Variants in LIX1 observed in about 807,000 individuals in gnomAD.
The protein encoded by LIX1 is limb and CNS expressed 1.
Under a neutral mutation model 33.4 loss-of-function variants are expected in LIX1, and 24 were observed. That is an observed-to-expected ratio of 0.72 (90% CI 0.52 to 1.01). The LOEUF (loss-of-function observed/expected upper bound fraction) is 1.01, where lower values mean the gene tolerates loss of function less well. Ranked by LOEUF, LIX1 falls within the 50% of genes least tolerant of loss-of-function variation. The pLI is 0.00. For missense variants in LIX1, 311 were observed against 339.2 expected, an observed-to-expected ratio of 0.92 and a Z score of 0.65; for synonymous variants, 124 against 124.0, an observed-to-expected ratio of 1.00 and a Z score of 0.00.
intron 5 of LIX1, among the ~76,000 whole-genome samples, chr5:97,095,748 T>C (rs1354794510): frequency 6.6e-6 from 1 of 152,236 alleles, no homozygotes; most frequent in Non-Finnish European, 1.5e-5. Flanking sequence ...CATAATAACA[T>C]CATATGTAGA....
At chr5:97,122,757 G>A (rs1747815552) in intron 2 of LIX1, among the ~76,000 whole-genome samples, 2 of 152,134 alleles carry the variant, frequency 1.3e-5, no homozygotes, top group South Asian at 4.1e-4. Flanking sequence ...CTGGACAATA[G>A]GCAATGTGGT....
chr5:97,093,300 G>A lies in LIX1; in HGVS notation c.*1448C>T, dbSNP rs943077500. 1 of 152,160 alleles carries A rather than the reference G, an allele frequency of 6.6e-6. No individual in the cohort carries two copies. Among genetic ancestry groups the A allele is most frequent in the African/African-American group, 2.4e-5 (1 of 41,414 alleles). 9.4% of individuals were successfully genotyped at this position (152,160 alleles called of 1,614,324 possible). On this transcript the variant is annotated 3_prime_UTR_variant, in exon 6 of 6. Transcript: ENST00000274382. Reference sequence around the variant, plus strand: ...TTATAATGGTTTTGCTTTCAGTGAAGCATGTATGCACTTGCATAAACAAAA... The same window carrying A: ...TTATAATGGTTTTGCTTTCAGTGAAACATGTATGCACTTGCATAAACAAAA...
At chr5:97,117,378 T>C (rs958258932) in intron 2 of LIX1, among the ~76,000 whole-genome samples, 5 of 152,208 alleles carry the variant, frequency 3.3e-5, no homozygotes, top group Non-Finnish European at 5.9e-5. Context: ...CTCAAGTTTA[T>C]AGCAGGAACT....
At chr5:97,101,797 A>G (rs1746716180) in intron 4 of LIX1, 1 of 152,192 alleles carries the variant, frequency 6.6e-6, no homozygotes, top group African/African-American at 2.4e-5. Flanking sequence ...GAAATAAGAA[A>G]AACAAACACT....
intron 3 of LIX1, 104 bp from the exon 4 acceptor site, chr5:97,105,389 T>A: frequency 1.2e-6 from 1 of 853,494 alleles, no homozygotes; most frequent in Non-Finnish European, 1.9e-6. Context: ...ATTTTTGGTC[T>A]AACCTGAACA....
rs1362975488 is a variant in LIX1, at chr5:97,094,184, C to T, written c.*564G>A. On this transcript the variant is annotated 3_prime_UTR_variant, in exon 6 of 6. Transcript: ENST00000274382. The stretch of plus-strand genomic sequence containing the variant: ...TTTCATACTATTACTATTTCAAGAT[C>T]TTTGATGGTGGGATGTCCAGATAAA... 6.6e-6 allele frequency: 1 copy of T among 151,256 alleles called. No individual in the cohort carries two copies. The highest frequency in any genetic ancestry group is 6.6e-5 in the Admixed American group (1 of 15,076). The allele number at this position is 151,256 out of a possible 1,614,324, so 9.4% of individuals were successfully genotyped here. A position where few individuals can be genotyped will look rare whatever the true frequency, so the allele number is the denominator to read the frequency against.
intron 5 of LIX1, 84 bp downstream of exon 5, chr5:97,096,726 G>A (rs781019547): frequency 4.5e-5 from 43 of 963,818 alleles, no homozygotes; most frequent in Non-Finnish European, 5.6e-5. Flanking sequence ...GGAAAAATCC[G>A]AATAAAGGAA....
At chr5:97,135,001 G>T (rs1467168968) in intron 1 of LIX1, among the ~76,000 whole-genome samples, 1 of 152,206 alleles carries the variant, frequency 6.6e-6, no homozygotes, top group Non-Finnish European at 1.5e-5. Context: ...CAACTGGAAA[G>T]CTGGTTGTGT....
chr5:97,142,297 A>G (rs115059230), intron 1 of LIX1, among the ~76,000 whole-genome samples, 198 bp downstream of exon 1: 7,303 of 152,322 alleles, frequency 0.048, 268 homozygotes, highest in Middle Eastern at 0.095. Context: ...TATCACTGAC[A>G]GAATAACCCA....
At position 97,126,880 on chromosome 5, in the gene LIX1, C is replaced by T. The variant is rs564402262; in HGVS notation, c.83-2251G>A. ...GTCTTGATCTCCTGACCTTGTGATC[C>T]GCCCATCTCGGCCTCCCAAAGTGCT... is the stretch of plus-strand genomic sequence containing the variant. On this transcript the variant is annotated intron_variant, in intron 1 of 5. Coordinates refer to ENST00000274382, the MANE Select transcript of LIX1 (RefSeq NM_153234.5). Among the ~76,000 whole-genome samples the T allele has an allele frequency of 6.6e-5, 10 of 152,106 alleles. No individual in the cohort carries two copies. The East Asian group carries it at 1.4e-3, about 21-fold the overall frequency.
Position 97,120,032 on chromosome 5 carries a change from C to T in LIX1, c.246+4434G>A, listed in dbSNP as rs114663886. On this transcript the variant is annotated intron_variant, in intron 2 of 5. Transcript: ENST00000274382. The stretch of plus-strand genomic sequence containing the variant: ...CTTGGTTATTTATGGTCCTAAGAGT[C>T]GGGTGGGGAAAAAGTTGCTATGCAT... Among the ~76,000 whole-genome samples the T allele has an allele frequency of 8.2e-3, 1,247 of 152,160 alleles. 18 individuals carry two copies. The highest frequency in any genetic ancestry group is 0.031 in the Admixed American group (478 of 15,270).
intron 4 of LIX1, among the ~76,000 whole-genome samples, chr5:97,097,764 A>G (rs570533650): frequency 6.6e-6 from 1 of 152,346 alleles, no homozygotes; most frequent in East Asian, 1.9e-4. Flanking sequence ...AATAGATCAA[A>G]TCAAAATGGA....
chr5:97,114,902 C>T (rs115387123), intron 2 of LIX1, among the ~76,000 whole-genome samples: 13 of 152,266 alleles, frequency 8.5e-5, no homozygotes, highest in African/African-American at 2.9e-4. Flanking sequence ...CATTGTAAAG[C>T]CACTTCTGCT....
At chr5:97,132,262 T>C (rs936124167) in intron 1 of LIX1, among the ~76,000 whole-genome samples, 2 of 152,228 alleles carry the variant, frequency 1.3e-5, no homozygotes, top group African/African-American at 4.8e-5. Context: ...GGAAATAATA[T>C]ATTCATCATA....
At chr5:97,125,878 G>A (rs181111099) in intron 1 of LIX1, among the ~76,000 whole-genome samples, 9 of 152,284 alleles carry the variant, frequency 5.9e-5, no homozygotes, top group Admixed American at 5.2e-4. Flanking sequence ...TGGGGTTTCT[G>A]GAGCCGTAGG....
At chr5:97,114,849 C>A (rs1053535425) in intron 2 of LIX1, among the ~76,000 whole-genome samples, 2 of 152,104 alleles carry the variant, frequency 1.3e-5, no homozygotes, top group African/African-American at 4.8e-5. Flanking sequence ...AAAAGATTGG[C>A]GTTGTGATTT....
intron 1 of LIX1, among the ~76,000 whole-genome samples, chr5:97,129,320 A>G (rs1288438639): frequency 6.6e-6 from 1 of 152,176 alleles, no homozygotes; most frequent in East Asian, 1.9e-4. Context: ...CATGGATATC[A>G]CTTGGGAACT....
intron 1 of LIX1, among the ~76,000 whole-genome samples, chr5:97,134,935 C>T (rs1748141106): frequency 2.0e-5 from 3 of 152,124 alleles, no homozygotes; most frequent in Admixed American, 6.6e-5. Flanking sequence ...TTGCTTTGTT[C>T]CCAGCAGAGG....
chr5:97,133,461 A>T (rs1748108844), intron 1 of LIX1, among the ~76,000 whole-genome samples: 1 of 152,226 alleles, frequency 6.6e-6, no homozygotes, highest in Admixed American at 6.5e-5. Flanking sequence ...GTAAAGGAAG[A>T]AAAGAGAGGG....
Sources: gnomAD v4.1 joint callset for allele counts (sites outside exome capture counted in the v4.1 genomes callset) on GRCh38, gnomAD v4.1.1 for gene constraint, MANE v1.5 for transcripts, NCBI Gene and HGNC (gene_info 2026-07-23, HGNC 2026-07-21) for gene names.